Variants in CSPP1 observed in about 807,000 individuals in gnomAD.
CSPP1 encodes centrosome and spindle pole-associated protein 1.
A neutral mutation model predicts 164.4 loss-of-function variants in CSPP1; 126 were observed. The ratio of observed to expected loss-of-function variants is 0.77; its 90% CI spans 0.66 to 0.89. The LOEUF is 0.89. Among genes scored for constraint, CSPP1 ranks in the 40% least tolerant of loss-of-function variants. The probability of loss-of-function intolerance (pLI) is 0.00; values close to 1 mark genes in which losing one functional copy is unlikely to be tolerated. For missense variants in CSPP1, 1,395 were observed against 1,449.8 expected (o/e 0.96, Z 0.61); for synonymous variants, 472 against 476.7 (o/e 0.99, Z 0.13).
At position 67,195,679 on chromosome 8, in the gene CSPP1, C is replaced by T; in HGVS notation, c.*86C>T. ...CTTTAATATGTCCTACTTTTGGCCC[C>T]TACCTGAAAGTTACTTTTTTTCCAT... is the stretch of plus-strand genomic sequence containing the variant. On this transcript the variant is annotated 3_prime_UTR_variant, in exon 31 of 31. Coordinates refer to ENST00000678616, the MANE Select transcript of CSPP1 (RefSeq NM_001382391.1). The T allele has an allele frequency of 2.5e-6, 3 of 1,183,720 alleles. No individual in the cohort carries two copies. The highest frequency in any genetic ancestry group is 3.6e-6 in the Non-Finnish European group (3 of 828,582). 73.3% of individuals were successfully genotyped at this position (1,183,720 alleles called of 1,614,324 possible).
intron 8 of CSPP1, 60 bp downstream of exon 8, chr8:67,103,195 T>A: frequency 1.0e-6 from 1 of 954,142 alleles, no homozygotes; most frequent in Non-Finnish European, 1.6e-6. Flanking sequence ...AGAATGTGCC[T>A]AAAACTGGCT....
At chr8:67,149,723 T>A (rs1825322264) in intron 17 of CSPP1, 60 bp from the exon 18 acceptor site, 1 of 1,189,884 alleles carries the variant, frequency 8.4e-7, no homozygotes, top group African/African-American at 1.6e-5. Context: ...GAAAATATAT[T>A]TTGCATGCCA....
chr8:67,157,075 C>T (rs1826807623), intron 19 of CSPP1, among the ~76,000 whole-genome samples: 2 of 151,410 alleles, frequency 1.3e-5, no homozygotes, highest in Admixed American at 6.6e-5. Flanking sequence ...TTTTTTTTTC[C>T]ATGGAGTAGG....
chr8:67,104,973 T>A (rs1408317698), intron 8 of CSPP1, among the ~76,000 whole-genome samples: 109 of 142,758 alleles, frequency 7.6e-4, no homozygotes, highest in African/African-American at 2.8e-3. Context: ...TATATTTTTT[T>A]TTTTTTTTTT....
chr8:67,105,971 C>T lies in CSPP1; in HGVS notation c.1089C>T (p.Leu363=). The change falls in exon 9 of 31, where the codon CTC becomes CTT. Residue 363 remains leucine, a synonymous_variant. Transcript: ENST00000678616. ...CCTGTAGTCCTTTTGCAGGGATGCTCTTTGGTAGGCACAAAACTTCCAACT... is the reference window on the plus strand; with the variant it reads ...CCTGTAGTCCTTTTGCAGGGATGCTTTTTGGTAGGCACAAAACTTCCAACT... ...QDTCSPFAGM[L]FGGEDRELIQ... 6.4e-7 allele frequency: 1 copy of T among 1,560,608 alleles called. No individual in the cohort carries two copies. The highest frequency in any genetic ancestry group is 8.8e-7 in the Non-Finnish European group (1 of 1,131,606).
chr8:67,110,873 G>GTTA (rs1364843591), intron 9 of CSPP1, among the ~76,000 whole-genome samples: 1 of 152,012 alleles, frequency 6.6e-6, no homozygotes, highest in African/African-American at 2.4e-5. Context: ...TGTTGTTGTT[G>GTTA]TTGTTTATTT....
At chr8:67,167,370 G>C (rs572977582) in intron 24 of CSPP1, among the ~76,000 whole-genome samples, 1 of 151,194 alleles carries the variant, frequency 6.6e-6, no homozygotes, top group Middle Eastern at 3.4e-3. Flanking sequence ...CTCCCACCCG[G>C]ACGGGGCAGC....
chr8:67,185,238 C>T (rs909870654), intron 28 of CSPP1, among the ~76,000 whole-genome samples: 2 of 152,224 alleles, frequency 1.3e-5, no homozygotes, highest in East Asian at 1.9e-4. Context: ...TTCTTTCCCA[C>T]CTAAGTGCAT....
chr8:67,148,579 T>C (rs1248664786), intron 17 of CSPP1, among the ~76,000 whole-genome samples: 1 of 152,224 alleles, frequency 6.6e-6, no homozygotes, highest in Non-Finnish European at 1.5e-5. Context: ...GATTCTGAAC[T>C]CCCATTCTCT....
intron 4 of CSPP1, 109 bp downstream of exon 4, chr8:67,086,219 C>A: frequency 1.3e-6 from 1 of 761,560 alleles, no homozygotes; most frequent in South Asian, 1.4e-5. Flanking sequence ...TTCAGTGGTA[C>A]TAGCAAAGTA....
At chr8:67,156,156 A>T (rs1488807407) in intron 19 of CSPP1, among the ~76,000 whole-genome samples, 3 of 152,204 alleles carry the variant, frequency 2.0e-5, no homozygotes, top group Admixed American at 2.0e-4. Flanking sequence ...TGTTTTTGAG[A>T]TACTTTTACA....
Position 67,159,102 on chromosome 8 carries a change from T to C in CSPP1, c.2503T>C (p.Cys835Arg). Reference protein sequence around the residue: ...EKYNLQLQHYCERDNLIGEET... With the variant: ...EKYNLQLQHYRERDNLIGEET... ...ATATAACCTGCAACTTCAGCACTAC[T>C]GTGAAAGAGACAATTTGATTGGGGA... The change falls in exon 21 of 31, where the codon TGT (cysteine) becomes CGT (arginine). Residue 835 changes from cysteine to arginine, a missense_variant. Coordinates refer to ENST00000678616, the MANE Select transcript of CSPP1 (RefSeq NM_001382391.1). 1 of 1,604,848 alleles carries C rather than the reference T, an allele frequency of 6.2e-7. No homozygotes were observed. Among genetic ancestry groups the C allele is most frequent in the Non-Finnish European group, 8.5e-7 (1 of 1,177,938 alleles).
intron 29 of CSPP1, among the ~76,000 whole-genome samples, chr8:67,192,156 T>A (rs1193185448): frequency 4.0e-5 from 6 of 149,040 alleles, no homozygotes; most frequent in African/African-American, 1.5e-4. Flanking sequence ...CACTGCACCC[T>A]CTGCCCCAGT....
Position 67,080,266 on chromosome 8 carries a change from GTAAT to G in CSPP1, c.199+3689_199+3692del, listed in dbSNP as rs762307875. On this transcript the variant is annotated intron_variant, in intron 3 of 30. Transcript: ENST00000678616. Reference sequence around the variant, plus strand: ...CACTGTAACATCGTAGTTTGAATAAGTAATTAAGCATAGTGTAGTAATCAGTGAT... The same window carrying G: ...CACTGTAACATCGTAGTTTGAATAAGTAAGCATAGTGTAGTAATCAGTGAT... 2.6e-5 allele frequency among the ~76,000 whole-genome samples: 4 copies of G among 152,316 alleles called. No homozygotes were observed. The East Asian group carries it at 5.8e-4, about 22-fold the overall frequency.
intron 17 of CSPP1, among the ~76,000 whole-genome samples, chr8:67,143,700 A>G (rs1465036757): frequency 6.6e-6 from 1 of 152,170 alleles, no homozygotes; most frequent in Non-Finnish European, 1.5e-5. Context: ...TTAAAATGTT[A>G]CATTAAAAAA....
chr8:67,109,956 C>T (rs1203102686), intron 9 of CSPP1, among the ~76,000 whole-genome samples: 2 of 151,920 alleles, frequency 1.3e-5, no homozygotes, highest in East Asian at 3.9e-4. Context: ...GCTGTGGGTA[C>T]GTCTTTAGGC....
At chr8:67,159,869 T>TTTCC (rs1827538611) in intron 21 of CSPP1, among the ~76,000 whole-genome samples, 1 of 39,734 alleles carries the variant, frequency 2.5e-5, no homozygotes, top group East Asian at 6.5e-4. Flanking sequence ...TCTTTCTTTC[T>TTTCC]TTCTTTCTTT....
intron 15 of CSPP1, among the ~76,000 whole-genome samples, chr8:67,125,443 C>T (rs1330571254): frequency 2.0e-5 from 3 of 151,992 alleles, no homozygotes; most frequent in African/African-American, 7.3e-5. Flanking sequence ...GTTTTTCTTA[C>T]TTGGAGTTTG....
At chr8:67,112,147 G>A in intron 10 of CSPP1, 82 bp downstream of exon 10, 1 of 846,432 alleles carries the variant, frequency 1.2e-6, no homozygotes, top group Non-Finnish European at 1.9e-6. Flanking sequence ...ATAAGGGGTT[G>A]TCGTTCTAAT....
Sources: allele counts gnomAD v4.1 joint callset (sites outside exome capture counted in the v4.1 genomes callset), GRCh38; gene constraint gnomAD v4.1.1; transcripts MANE v1.5; gene names NCBI Gene and HGNC (gene_info 2026-07-23, HGNC 2026-07-21).